The following COL9A3 variants were observed in gnomAD, a reference collection of about 807,000 sequenced individuals.
The protein encoded by COL9A3 is collagen type IX alpha 3 chain.
Under a neutral mutation model 110.2 loss-of-function variants are expected in COL9A3, and 82 were observed. The ratio of observed to expected loss-of-function variants is 0.74; its 90% CI spans 0.62 to 0.89. The LOEUF is 0.89. COL9A3 is among the 40% of genes least tolerant of loss of function. The pLI is 0.00. For missense variants in COL9A3, 1,066 were observed against 981.3 expected, an observed-to-expected ratio of 1.09 and a Z score of -1.15; for synonymous variants, 494 against 403.8, an observed-to-expected ratio of 1.22 and a Z score of -2.68.
chr20:62,839,098 G>A (rs1057316140), intron 31 of COL9A3, among the ~76,000 whole-genome samples: 7 of 151,984 alleles, frequency 4.6e-5, no homozygotes, highest in East Asian at 1.9e-4. Flanking sequence ...GGTGGCGGGC[G>A]CCTGTAATCC....
chr20:62,817,477 C>A, intron 1 of COL9A3, 90 bp from the exon 2 acceptor site: 2 of 962,814 alleles, frequency 2.1e-6, no homozygotes, highest in South Asian at 1.4e-5. Flanking sequence ...TCGTCGCAGG[C>A]CCCGGAGCCG....
In COL9A3 at chr20:62,822,103, C is replaced by T. The variant is rs759644565; in HGVS notation, c.424-8C>T. The T allele has an allele frequency of 2.6e-6, 4 of 1,534,472 alleles. No homozygotes were observed. The Admixed American group carries it at 5.0e-5, about 19-fold the overall frequency. On this transcript the variant is annotated splice_region_variant and splice_polypyrimidine_tract_variant and intron_variant, in intron 8 of 31. Transcript: ENST00000649368. ...TCCCACTCTGTCTAAGTCATACCCC[C>T]TCCCCAGGGACCTTCTGGACTCCCC...
chr20:62,836,332 CG>C lies in COL9A3; in HGVS notation c.1548+1del, dbSNP rs2063635532. The C allele has an allele frequency of 6.2e-7, 1 of 1,613,648 alleles. No individual in the cohort carries two copies. The highest frequency in any genetic ancestry group is 1.1e-5 in the South Asian group (1 of 91,094). On this transcript the variant is annotated frameshift_variant and splice_region_variant, in exon 28 of 32. Transcript: ENST00000649368. LOFTEE classifies it high-confidence loss of function. ...VPGITGKPGV[P>X]GKEASEQRIR... ...GGCATCACGGGGAAGCCGGGAGTTC[CG>C]GTACGTCGCTTTTCCGGCTTTTCCA...
chr20:62,829,903 G>A (rs2063582732), intron 22 of COL9A3, 84 bp downstream of exon 22: 9 of 1,490,160 alleles, frequency 6.0e-6, no homozygotes, highest in Non-Finnish European at 7.2e-6. Context: ...GGCCGGGGTG[G>A]CATTTGGTTG....
chr20:62,830,323 C>T, intron 22 of COL9A3, 37 bp from the exon 23 acceptor site: 1 of 1,556,240 alleles, frequency 6.4e-7, no homozygotes, highest in Admixed American at 1.9e-5. Flanking sequence ...TCCTCGAACC[C>T]TGAGACATCC....
chr20:62,825,697 C>G, intron 12 of COL9A3, 120 bp from the exon 13 acceptor site: 1 of 1,015,194 alleles, frequency 9.9e-7, no homozygotes. Context: ...GCCTCCAAGG[C>G]CCAGCTGTGA....
intron 13 of COL9A3, 59 bp from the exon 14 acceptor site, chr20:62,826,145 G>A: frequency 1.3e-6 from 2 of 1,527,494 alleles, no homozygotes; most frequent in Middle Eastern, 2.1e-4. Context: ...CTTGGCCCTG[G>A]GTGCTCCCCG....
chr20:62,831,901 G>A (rs964357711), intron 24 of COL9A3: 12 of 567,500 alleles, frequency 2.1e-5, no homozygotes, highest in South Asian at 1.2e-4. Flanking sequence ...ACGAATTCAC[G>A]GGTGTTACAA....
chr20:62,839,621 GCACT>G (rs2063659313), intron 31 of COL9A3, among the ~76,000 whole-genome samples: 1 of 146,744 alleles, frequency 6.8e-6, no homozygotes, highest in African/African-American at 2.5e-5. Context: ...TCTCCTCCAC[GCACT>G]CACACTGCTC....
chr20:62,823,932 CCTGT>C (rs1475418150), intron 10 of COL9A3, among the ~76,000 whole-genome samples: 1 of 152,114 alleles, frequency 6.6e-6, no homozygotes, highest in Non-Finnish European at 1.5e-5. Context: ...TGAAGGAGAC[CCTGT>C]CTGTGTCCTG....
rs142792529 is a variant in COL9A3, at chr20:62,838,713, G to A, written c.1816G>A (p.Ala606Thr). ...GNQGDRGDKG[A>T]AGAGLDGPEG... ...CCAGGGTGACAGAGGAGACAAAGGCGCGGCAGGAGCAGGGCTGGACGGGCC... is the reference window on the plus strand; with the variant it reads ...CCAGGGTGACAGAGGAGACAAAGGCACGGCAGGAGCAGGGCTGGACGGGCC... Residue 606 changes from alanine to threonine, a missense_variant, in exon 31 of 32, where the codon GCG (alanine) becomes ACG (threonine). Transcript: ENST00000649368. 18,818 of 1,552,770 alleles carry A rather than the reference G, an allele frequency of 0.012. 148 individuals carry two copies. The highest frequency in any genetic ancestry group is 0.014 in the Non-Finnish European group (16,077 of 1,147,560).
At chr20:62,823,767 C>G (rs536545474) in intron 10 of COL9A3, among the ~76,000 whole-genome samples, 1 of 152,372 alleles carries the variant, frequency 6.6e-6, no homozygotes, top group African/African-American at 2.4e-5. Flanking sequence ...AGCCCCATGC[C>G]GAGCACATTC....
intron 10 of COL9A3, among the ~76,000 whole-genome samples, chr20:62,823,474 CTCTGACCTGACCACCGACGCTG>C (rs900005484): frequency 6.6e-6 from 1 of 152,172 alleles, no homozygotes; most frequent in African/African-American, 2.4e-5. Context: ...GCTCGGCCCA[CTCTGACCTGACCACCGACGCTG>C]TCTACCAGCC....
At position 62,832,135 on chromosome 20, in the gene COL9A3, G is replaced by A. The variant is rs990445678; in HGVS notation, c.1288-19G>A. 1 of 1,612,002 alleles carries A rather than the reference G, an allele frequency of 6.2e-7. No homozygotes were observed. Among genetic ancestry groups the A allele is most frequent in the African/African-American group, 1.3e-5 (1 of 74,992 alleles). On this transcript the variant is annotated intron_variant, in intron 24 of 31. Coordinates refer to ENST00000649368, the MANE Select transcript of COL9A3 (RefSeq NM_001853.4). ...ATTCCTGCCATTCCTCTAATCCAGA[G>A]CCTTCTCTCCACATCCAGGGTCCGG... is the stretch of plus-strand genomic sequence containing the variant.
chr20:62,830,642 A>T, intron 24 of COL9A3, 54 bp downstream of exon 24: 2 of 850,688 alleles, frequency 2.4e-6, no homozygotes, highest in Non-Finnish European at 3.3e-6. Context: ...CCCATGTACC[A>T]CAGTCCCCCA....
chr20:62,836,643 C>A, intron 29 of COL9A3, 111 bp downstream of exon 29: 1 of 1,171,002 alleles, frequency 8.5e-7, no homozygotes, highest in Non-Finnish European at 1.2e-6. Flanking sequence ...CAAAGTGAGC[C>A]CCTAGCACTC....
chr20:62,820,332 A>C (rs148542430), intron 5 of COL9A3, among the ~76,000 whole-genome samples: 105 of 151,952 alleles, frequency 6.9e-4, no homozygotes, highest in African/African-American at 2.5e-3. Context: ...CGCAGCCTGC[A>C]GAGTCCCCTG....
In COL9A3 at chr20:62,828,940, C is replaced by A. The variant is rs372362105; in HGVS notation, c.972C>A (p.Asn324Lys). Residue 324 changes from asparagine to lysine, a missense_variant, in exon 19 of 32, where the codon AAC becomes AAA. Coordinates refer to ENST00000649368, the MANE Select transcript of COL9A3 (RefSeq NM_001853.4). ...LDGQKGEAGRNGAPGEKGPNG... is the reference protein window; with the variant it reads ...LDGQKGEAGRKGAPGEKGPNG... ...CCTCACAGGGAGAGGCTGGTCGCAA[C>A]GGTGCTCCGGGAGAGAAGGGCCCCA... The A allele has an allele frequency of 1.2e-6, 2 of 1,611,440 alleles. No homozygotes were observed. The highest frequency in any genetic ancestry group is 1.7e-4 in the Middle Eastern group (1 of 5,826).
intron 4 of COL9A3, 89 bp downstream of exon 4, chr20:62,819,382 G>A: frequency 7.7e-7 from 1 of 1,295,310 alleles, no homozygotes; most frequent in Non-Finnish European, 1.1e-6. Flanking sequence ...GTCCAGCTGG[G>A]CCTGCTCAGG....
Sources: allele counts gnomAD v4.1 joint callset (sites outside exome capture counted in the v4.1 genomes callset), GRCh38; gene constraint gnomAD v4.1.1; transcripts MANE v1.5; gene names NCBI Gene and HGNC (gene_info 2026-07-23, HGNC 2026-07-21).